DNAJC1: variants seen among roughly 807,000 people sequenced by gnomAD.
DNAJC1 encodes the protein DnaJ heat shock protein family (Hsp40) member C1.
DNAJC1 carries 58 observed loss-of-function variants against 76.6 expected under a neutral mutation model. The ratio of observed to expected loss-of-function variants is 0.76; its 90% CI spans 0.61 to 0.94. The LOEUF (loss-of-function observed/expected upper bound fraction) is 0.94. DNAJC1 is among the 40% of genes least tolerant of loss of function. The pLI is 0.00. For missense variants in DNAJC1, 689 were observed against 677.3 expected (o/e 1.02, Z -0.19); for synonymous variants, 258 against 267.9 (o/e 0.96, Z 0.36).
chr10:21,809,877 T>C (rs1834937006), intron 8 of DNAJC1, among the ~76,000 whole-genome samples: 1 of 152,122 alleles, frequency 6.6e-6, no homozygotes, highest in African/African-American at 2.4e-5. Context: ...AAATTCTTTT[T>C]TGAGGCCTAT....
rs776773994 is a variant in DNAJC1 at position 21,904,523 on chromosome 10, T to C, written c.819A>G (p.Gln273=). 1.3e-6 allele frequency: 2 copies of C among 1,559,560 alleles called. No individual in the cohort carries two copies. The highest frequency in any genetic ancestry group is 3.8e-5 in the Admixed American group (2 of 52,940). The change falls in exon 7 of 12, where the codon CAA becomes CAG. Residue 273 remains glutamine, a splice_region_variant and synonymous_variant. Transcript: ENST00000376980. ...ALTRTELETL[Q]KQKKVKKPKP... is the part of the protein sequence containing the mutation. The stretch of plus-strand genomic sequence containing the variant: ...AAAACACTAATGTTTAAAACTCACT[T>C]TGAAGTGTTTCAAGTTCAGTTCTAG...
chr10:21,852,437 G>C (rs1744751057), intron 8 of DNAJC1, among the ~76,000 whole-genome samples: 1 of 152,074 alleles, frequency 6.6e-6, no homozygotes, highest in African/African-American at 2.4e-5. Context: ...AAATGCTACT[G>C]AATTGTTCAT....
intron 1 of DNAJC1, among the ~76,000 whole-genome samples, chr10:21,943,361 A>C (rs1005876523): frequency 1.3e-5 from 2 of 152,236 alleles, no homozygotes; most frequent in Non-Finnish European, 2.9e-5. Flanking sequence ...TAATTAAAAT[A>C]AATATACCAG....
At chr10:21,803,589 CTGTG>C (rs113615504) in intron 9 of DNAJC1, among the ~76,000 whole-genome samples, 1,638 of 140,694 alleles carry the variant, frequency 0.012, 15 homozygotes, top group East Asian at 0.019. Context: ...GAGTGATTTT[CTGTG>C]TGTGTGTGTG....
At chr10:21,814,155 A>C (rs1465309753) in intron 8 of DNAJC1, among the ~76,000 whole-genome samples, 1 of 152,162 alleles carries the variant, frequency 6.6e-6, no homozygotes, top group Non-Finnish European at 1.5e-5. Flanking sequence ...ATGCTAATTA[A>C]GTTATATTGT....
At chr10:21,773,138 T>A (rs1228109017) in intron 9 of DNAJC1, among the ~76,000 whole-genome samples, 1 of 152,200 alleles carries the variant, frequency 6.6e-6, no homozygotes, top group Non-Finnish European at 1.5e-5. Flanking sequence ...CCAAACCATA[T>A]CACTGCCCTG....
chr10:21,869,178 T>A (rs1016881337), intron 8 of DNAJC1, among the ~76,000 whole-genome samples: 1 of 138,554 alleles, frequency 7.2e-6, no homozygotes, highest in Admixed American at 7.8e-5. Context: ...CCCACACCAC[T>A]GCACTCCAGC....
chr10:21,813,407 G>A (rs1457183187), intron 8 of DNAJC1, among the ~76,000 whole-genome samples: 1 of 104,316 alleles, frequency 9.6e-6, no homozygotes, highest in African/African-American at 3.7e-5. Flanking sequence ...TTTTTTTTTT[G>A]AGACGGAGTC....
chr10:21,855,876 G>A (rs747048851), intron 8 of DNAJC1, among the ~76,000 whole-genome samples: 5 of 149,986 alleles, frequency 3.3e-5, no homozygotes, highest in Non-Finnish European at 5.9e-5. Flanking sequence ...CATTTTGCTA[G>A]GCAAGTTAAC....
chr10:21,835,551 C>T (rs920813586), intron 8 of DNAJC1, among the ~76,000 whole-genome samples: 1 of 152,128 alleles, frequency 6.6e-6, no homozygotes, highest in African/African-American at 2.4e-5. Flanking sequence ...GAAATTCGAA[C>T]CAACGGCAAA....
intron 1 of DNAJC1, among the ~76,000 whole-genome samples, chr10:21,982,706 G>T (rs1178055923): frequency 6.7e-6 from 1 of 149,358 alleles, no homozygotes; most frequent in South Asian, 2.1e-4. Flanking sequence ...CACCTATTAG[G>T]ATAGCTATCA....
At chr10:21,966,749 G>A (rs1196958057) in intron 1 of DNAJC1, among the ~76,000 whole-genome samples, 7 of 149,156 alleles carry the variant, frequency 4.7e-5, no homozygotes, top group Non-Finnish European at 5.9e-5. Flanking sequence ...GCAATGGCGC[G>A]ATCTTGGCTC....
At chr10:21,759,699 G>C (rs970116967) in intron 10 of DNAJC1, 81 bp from the exon 11 acceptor site, 1 of 1,362,600 alleles carries the variant, frequency 7.3e-7, no homozygotes, top group Non-Finnish European at 1.0e-6. Context: ...GCCGGGCACA[G>C]AGCAGGCAGC....
intron 8 of DNAJC1, among the ~76,000 whole-genome samples, chr10:21,869,345 T>TA (rs1255948479): frequency 2.0e-5 from 3 of 152,088 alleles, no homozygotes; most frequent in African/African-American, 7.3e-5. Context: ...AGCATTTCTT[T>TA]ATATTGACTT....
chr10:21,923,463 T>C (rs1212251341), intron 3 of DNAJC1, among the ~76,000 whole-genome samples: 1 of 151,992 alleles, frequency 6.6e-6, no homozygotes, highest in Non-Finnish European at 1.5e-5. Flanking sequence ...CTTTTCTATA[T>C]TTAAACATAT....
chr10:21,826,595 C>A lies in DNAJC1; in HGVS notation c.979-20496G>T, dbSNP rs1210629498. On this transcript the variant is annotated intron_variant, in intron 8 of 11. Coordinates refer to ENST00000376980, the MANE Select transcript of DNAJC1 (RefSeq NM_022365.4). ...ACTTGCCAATTGCAATGTCAAGAAG[C>A]TTTCCTTCTATGTTTTCTTCTACTA... 2.0e-5 allele frequency among the ~76,000 whole-genome samples: 3 copies of A among 152,064 alleles called. No individual in the cohort carries two copies. In the East Asian group the frequency reaches 5.8e-4, roughly 29 times the overall value.
intron 9 of DNAJC1, among the ~76,000 whole-genome samples, chr10:21,789,313 T>C (rs941560363): frequency 1.3e-5 from 2 of 152,192 alleles, no homozygotes; most frequent in African/African-American, 4.8e-5. Flanking sequence ...CCACTGCACC[T>C]ACCTGGAAAG....
chr10:21,991,082 T>C (rs545142709), intron 1 of DNAJC1, among the ~76,000 whole-genome samples: 70 of 152,272 alleles, frequency 4.6e-4, no homozygotes, highest in African/African-American at 1.7e-3. Context: ...CAATCTCTAT[T>C]CTAAATCATT....
chr10:21,994,128 G>A (rs1011017613), intron 1 of DNAJC1, among the ~76,000 whole-genome samples: 7 of 152,068 alleles, frequency 4.6e-5, no homozygotes, highest in Non-Finnish European at 8.8e-5. Flanking sequence ...GTATTTATCC[G>A]AGCTTGCTAA....
Sources: allele counts gnomAD v4.1 joint callset (sites outside exome capture counted in the v4.1 genomes callset), GRCh38; gene constraint gnomAD v4.1.1; transcripts MANE v1.5; gene names NCBI Gene and HGNC (gene_info 2026-07-23, HGNC 2026-07-21).